The following SHOC2 variants were observed in gnomAD, a reference collection of about 807,000 sequenced individuals.
The protein encoded by SHOC2 is SHOC2 leucine rich repeat scaffold protein.
SHOC2 carries 4 observed loss-of-function variants against 50.2 expected under a neutral mutation model. The observed-to-expected ratio is 0.08, with a 90% CI of 0.04 to 0.18. The LOEUF (loss-of-function observed/expected upper bound fraction) is 0.18, where lower values mean the gene tolerates loss of function less well. SHOC2 is among the 10% of genes least tolerant of loss of function. The pLI is 1.00. For synonymous variants in SHOC2, 218 were observed against 244.5 expected (o/e 0.89, Z 1.01); for missense variants, 388 against 669.6 (o/e 0.58, Z 4.64).
rs760768154 is a variant in SHOC2, at chr10:110,964,797, A to G, written c.439A>G (p.Asn147Asp). ...SLPAEVGCLV[N>D]LMTLALSENS... ...CCCAGCAGAGGTGGGATGTTTAGTA[A>G]ATCTCATGACACTGGCTCTAAGTGA... Residue 147 changes from asparagine to aspartate, a missense_variant, in exon 2 of 9, where the codon AAT becomes GAT. Asn to Asp is a conservative substitution (Grantham distance 23). This residue lies in a region of SHOC2 where 88 missense variants were observed against 147.2 expected (regional missense o/e 0.60). Transcript: ENST00000369452. This position sits in a 1 kb window ranked among gnomAD's most constrained non-coding sequence, Gnocchi z 4.9. The G allele has an allele frequency of 6.2e-7, 1 of 1,614,100 alleles. No individual in the cohort carries two copies. Among genetic ancestry groups the G allele is most frequent in the South Asian group, 1.1e-5 (1 of 91,082 alleles).
intron 8 of SHOC2, among the ~76,000 whole-genome samples, chr10:111,010,892 TTC>T (rs1264210734): frequency 1.3e-5 from 2 of 152,184 alleles, no homozygotes; most frequent in African/African-American, 2.4e-5. Flanking sequence ...TAGCTATTAT[TTC>T]TGTTATTTTC....
chr10:110,931,113 A>T (rs1017958762), intron 1 of SHOC2, among the ~76,000 whole-genome samples: 7 of 152,126 alleles, frequency 4.6e-5, no homozygotes, highest in Non-Finnish European at 1.0e-4. Flanking sequence ...ATATAAAATA[A>T]ATCAGTCCCA....
intron 1 of SHOC2, among the ~76,000 whole-genome samples, chr10:110,934,905 T>TA (rs933248093): frequency 6.6e-6 from 1 of 152,154 alleles, no homozygotes; most frequent in Non-Finnish European, 1.5e-5. Flanking sequence ...ATTCAAAAGA[T>TA]ATAGAAAGGT....
At chr10:110,928,216 C>T (rs543998608) in intron 1 of SHOC2, among the ~76,000 whole-genome samples, 1 of 152,010 alleles carries the variant, frequency 6.6e-6, no homozygotes, top group Non-Finnish European at 1.5e-5. Flanking sequence ...ACTTGGGAGG[C>T]TGAGGAAGGA....
rs149246154 is a variant in SHOC2, at chr10:110,919,872, G to C, written c.-235+215G>C. On this transcript the variant is annotated intron_variant, in intron 1 of 8. Coordinates refer to ENST00000369452, the MANE Select transcript of SHOC2 (RefSeq NM_007373.4). ...CTGGTTGCTGTCTCCGGGAGTGCGG[G>C]GCCCTTGGAGCCGGCTCGCGTGGGA... 0.11 allele frequency: 40,873 copies of C among 359,896 alleles called. 2,815 individuals carry two copies. Among genetic ancestry groups the C allele is most frequent in the Non-Finnish European group, 0.14 (28,908 of 201,396 alleles). 22.3% of individuals were successfully genotyped at this position (359,896 alleles called of 1,614,324 possible).
At chr10:110,987,460 C>T (rs184066547) in intron 3 of SHOC2, among the ~76,000 whole-genome samples, 1 of 152,054 alleles carries the variant, frequency 6.6e-6, no homozygotes, top group Non-Finnish European at 1.5e-5. Flanking sequence ...ATGACACTAT[C>T]GTATTACTAT....
rs187283821 is a variant in SHOC2 at position 110,936,876 on chromosome 10, C to G, written c.-235+17219C>G. 11 of 1,375,232 alleles carry G rather than the reference C, an allele frequency of 8.0e-6. No homozygotes were observed. The East Asian group carries it at 2.5e-4, about 32-fold the overall frequency. The allele number at this position is 1,375,232 out of a possible 1,614,324, so 85.2% of individuals were successfully genotyped here. On this transcript the variant is annotated intron_variant, in intron 1 of 8. Transcript: ENST00000369452. ...CGCACAACCTTGAGGGCAGCAGGAA[C>G]CACCATCCGCTTTTTCTTGTCGTAA...
At chr10:110,953,717 C>A (rs1014666201) in intron 1 of SHOC2, among the ~76,000 whole-genome samples, 2 of 151,466 alleles carry the variant, frequency 1.3e-5, no homozygotes. Context: ...TATATATACA[C>A]ACACACACAC....
intron 1 of SHOC2, among the ~76,000 whole-genome samples, chr10:110,943,807 G>A (rs150585489): frequency 6.6e-6 from 1 of 152,360 alleles, no homozygotes; most frequent in East Asian, 1.9e-4. Context: ...TCTTGAGGCA[G>A]TAGGAATGGA....
At chr10:110,954,799 C>T (rs1357552832) in intron 1 of SHOC2, among the ~76,000 whole-genome samples, 2 of 152,028 alleles carry the variant, frequency 1.3e-5, no homozygotes, top group African/African-American at 4.8e-5. Context: ...AAAGAGTCAG[C>T]CATGTGAAGA....
rs1242844101 is a variant in SHOC2, at chr10:111,009,392, A to G, written c.1422+7A>G. 6.2e-7 allele frequency: 1 copy of G among 1,603,656 alleles called. No homozygotes were observed. Among genetic ancestry groups the G allele is most frequent in the East Asian group, 2.2e-5 (1 of 44,624 alleles). ...ATATCTTAAGGATTTACAGGTAAAC[A>G]TTATGCTGATTTTGTAGTTTTATAA... On this transcript the variant is annotated splice_region_variant and intron_variant, in intron 7 of 8. Coordinates refer to ENST00000369452, the MANE Select transcript of SHOC2 (RefSeq NM_007373.4).
chr10:110,930,300 C>T (rs188536947), intron 1 of SHOC2, among the ~76,000 whole-genome samples: 1 of 152,142 alleles, frequency 6.6e-6, no homozygotes, highest in Non-Finnish European at 1.5e-5. Context: ...TATAAGATAC[C>T]TTGAGACCAC....
chr10:111,009,199 A>G (rs1451053478), intron 6 of SHOC2, 49 bp from the exon 7 acceptor site: 1 of 1,304,030 alleles, frequency 7.7e-7, no homozygotes. Context: ...ATGACAGTAT[A>G]TAATTTCATT....
At chr10:110,946,241 T>C (rs1297536766) in intron 1 of SHOC2, among the ~76,000 whole-genome samples, 1 of 151,958 alleles carries the variant, frequency 6.6e-6, no homozygotes. Flanking sequence ...TTAGTTTTAC[T>C]GAGATAACAT....
chr10:110,925,337 T>C (rs916049762), intron 1 of SHOC2, among the ~76,000 whole-genome samples: 4 of 152,196 alleles, frequency 2.6e-5, no homozygotes, highest in African/African-American at 7.2e-5. Flanking sequence ...GTAATTGTCT[T>C]GTATGATTTA....
intron 1 of SHOC2, among the ~76,000 whole-genome samples, chr10:110,924,321 A>C (rs923827354): frequency 6.6e-6 from 1 of 152,222 alleles, no homozygotes; most frequent in African/African-American, 2.4e-5. Flanking sequence ...AGCAGTATAT[A>C]CACTGGCAAA....
chr10:110,957,539 C>G (rs541306318), intron 1 of SHOC2, among the ~76,000 whole-genome samples: 26 of 150,804 alleles, frequency 1.7e-4, no homozygotes, highest in East Asian at 4.0e-4. Context: ...GATACCCCCC[C>G]CCCAGCCCAC....
intron 1 of SHOC2, among the ~76,000 whole-genome samples, chr10:110,923,605 A>G (rs1846697672): frequency 6.6e-6 from 1 of 152,150 alleles, no homozygotes; most frequent in African/African-American, 2.4e-5. Flanking sequence ...CACACTGTAT[A>G]TCTCATTCCA....
chr10:110,967,934 G>A (rs987220821), intron 2 of SHOC2, among the ~76,000 whole-genome samples: 2 of 152,114 alleles, frequency 1.3e-5, no homozygotes, highest in African/African-American at 2.4e-5. Context: ...CTGTATTTGT[G>A]TACAAGTTTT....
Sources: allele counts gnomAD v4.1 joint callset (sites outside exome capture counted in the v4.1 genomes callset), GRCh38; gene constraint gnomAD v4.1.1; regional missense constraint gnomAD v4.1.1; non-coding constraint Gnocchi (gnomAD v3.1); transcripts MANE v1.5; gene names NCBI Gene and HGNC (gene_info 2026-07-23, HGNC 2026-07-21).